EIF2D: variants seen among roughly 807,000 people sequenced by gnomAD.
EIF2D encodes hepatocellular carcinoma-associated antigen 56.
In EIF2D, 56 loss-of-function variants were observed where a neutral mutation model predicts 77.4. The observed-to-expected ratio is 0.72, with a 90% CI of 0.58 to 0.90. The LOEUF is 0.90. Among genes scored for constraint, EIF2D ranks in the 40% least tolerant of loss-of-function variants. The pLI is 0.00. For synonymous variants in EIF2D, 230 were observed against 271.0 expected, an observed-to-expected ratio of 0.85 and a Z score of 1.49; for missense variants, 574 against 706.5, an observed-to-expected ratio of 0.81 and a Z score of 2.13.
Position 206,599,739 on chromosome 1 carries a change from T to G in EIF2D, c.1046A>C (p.His349Pro), listed in dbSNP as rs542336235. 6.2e-7 allele frequency: 1 copy of G among 1,614,050 alleles called. No homozygotes were observed. The highest frequency in any genetic ancestry group is 8.5e-7 in the Non-Finnish European group (1 of 1,180,008). Reference protein sequence around the residue: ...VESIVAVDWKHPRITSFVIPE... With the variant: ...VESIVAVDWKPPRITSFVIPE... ...ACAGGCCCCCTGCACTCACCTCGGG[T>G]GTTTCCAGTCCACAGCCACAATGCT... Residue 349 changes from histidine (H) to proline (P), a missense_variant, in exon 9 of 15, where the codon CAC becomes CCC. Coordinates refer to ENST00000271764, the MANE Select transcript of EIF2D (RefSeq NM_006893.3). This position sits in a 1 kb window ranked among gnomAD's most constrained non-coding sequence, Gnocchi z 4.1.
At chr1:206,610,889 A>G (rs1398540393) in intron 2 of EIF2D, among the ~76,000 whole-genome samples, 1 of 152,036 alleles carries the variant, frequency 6.6e-6, no homozygotes, top group African/African-American at 2.4e-5. Flanking sequence ...CCCACTGTAA[A>G]CTTCTCAGCC....
At chr1:206,583,246 C>T (rs1311120930) in intron 2 of EIF2D, 2 of 1,505,634 alleles carry the variant, frequency 1.3e-6, no homozygotes, top group Non-Finnish European at 1.8e-6. Flanking sequence ...ACACATCCAC[C>T]TCCACTTCTG....
downstream of EIF2D, chr1:206,588,596 G>A (rs1669226774): frequency 1.3e-5 from 2 of 152,366 alleles, no homozygotes; most frequent in African/African-American, 4.8e-5. Flanking sequence ...AGCTTCAGAA[G>A]TTCCCTCTCT....
chr1:206,599,316 G>A lies in EIF2D; in HGVS notation c.1202+147C>T. ...TTTAGTCCAGAGGAACTTGCCCAGG[G>A]AAGAAGGCTGGAAGCTGGATTTTGG... On this transcript the variant is annotated intron_variant, in intron 10 of 14. Coordinates refer to ENST00000271764, the MANE Select transcript of EIF2D (RefSeq NM_006893.3). This position sits in a 1 kb window ranked among gnomAD's most constrained non-coding sequence, Gnocchi z 4.1. 1 of 1,152,742 alleles carries A rather than the reference G, an allele frequency of 8.7e-7. No individual in the cohort carries two copies. Among genetic ancestry groups the A allele is most frequent in the East Asian group, 2.3e-5 (1 of 42,660 alleles). 71.4% of individuals were successfully genotyped at this position (1,152,742 alleles called of 1,614,324 possible). A position where few individuals can be genotyped will look rare whatever the true frequency, so the allele number is the denominator to read the frequency against.
intron 2 of EIF2D, 124 bp from the exon 3 acceptor site, chr1:206,609,583 G>C: frequency 1.3e-6 from 1 of 771,758 alleles, no homozygotes; most frequent in Admixed American, 3.1e-5. Context: ...CAAAGCTAAA[G>C]AGAAGGTTGT....
In EIF2D at chr1:206,584,506, G is replaced by A. The variant is rs781964308; in HGVS notation, c.139-3344C>T. ...ATGATGCCATCAAGGAGGTGAACCT[G>A]GCGGCTACCACGGACAAGCGGACAT... On this transcript the variant is annotated intron_variant and NMD_transcript_variant, in intron 2 of 5. Coordinates refer to the EIF2D transcript ENST00000472709. This position sits in a 1 kb window ranked among gnomAD's most constrained non-coding sequence, Gnocchi z 4.9. 1 of 1,614,156 alleles carries A rather than the reference G, an allele frequency of 6.2e-7. No individual in the cohort carries two copies. The highest frequency in any genetic ancestry group is 2.2e-5 in the East Asian group (1 of 44,876).
At chr1:206,593,891 T>C in intron 13 of EIF2D, 98 bp from the exon 14 acceptor site, 1 of 1,094,748 alleles carries the variant, frequency 9.1e-7, no homozygotes, top group Middle Eastern at 3.2e-4. Flanking sequence ...AGCCCCTGTG[T>C]TCTCTGATGG....
chr1:206,604,278 A>G (rs1012429621), intron 5 of EIF2D, among the ~76,000 whole-genome samples: 4 of 151,926 alleles, frequency 2.6e-5, no homozygotes, highest in Non-Finnish European at 4.4e-5. Context: ...CCCTGTCTCT[A>G]CTAAAAACAA....
intron 4 of EIF2D, among the ~76,000 whole-genome samples, chr1:206,575,782 C>A (rs1668618242): frequency 6.6e-6 from 1 of 152,342 alleles, no homozygotes; most frequent in Admixed American, 6.5e-5. Flanking sequence ...GGAAGTAGCT[C>A]CCCAGACGTC....
At chr1:206,583,883 C>T (rs1553406909) in intron 2 of EIF2D, among the ~76,000 whole-genome samples, 2 of 152,178 alleles carry the variant, frequency 1.3e-5, no homozygotes, top group African/African-American at 2.4e-5. Flanking sequence ...TCAGCTGGCT[C>T]TTTGGGGTTC....
At chr1:206,593,482 AGAGAGC>A (rs1327917680) in intron 14 of EIF2D, 131 bp downstream of exon 14, 10 of 511,678 alleles carry the variant, frequency 2.0e-5, no homozygotes, top group Admixed American at 4.2e-5. Context: ...AGAGAGAGAG[AGAGAGC>A]GAGAGAGAGA....
In EIF2D at chr1:206,611,192, T is replaced by C; in HGVS notation, c.239A>G (p.Tyr80Cys). 1 of 1,612,966 alleles carries C rather than the reference T, an allele frequency of 6.2e-7. No individual in the cohort carries two copies. Among genetic ancestry groups the C allele is most frequent in the Admixed American group, 1.7e-5 (1 of 59,962 alleles). ...PILFELEKNL[Y>C]PTVYTLWSYP... is the part of the protein sequence containing the mutation. ...TCGTCCTGTTGTCATACCTGTTGGA[T>C]ACAGATTTTTCTCCAGTTCAAAGAG... The change falls in exon 2 of 15, where the codon TAT (tyrosine) becomes TGT (cysteine). Residue 80 changes from tyrosine to cysteine, a missense_variant. By Grantham distance (194) the Tyr-to-Cys change is radical (BLOSUM62 -2). Coordinates refer to ENST00000271764, the MANE Select transcript of EIF2D (RefSeq NM_006893.3).
At chr1:206,583,380 G>T in intron 2 of EIF2D, 1 of 1,597,754 alleles carries the variant, frequency 6.3e-7, no homozygotes, top group Non-Finnish European at 8.6e-7. Context: ...CATGAAACTG[G>T]TAAGCGCCCG....
At chr1:206,603,887 G>A (rs545634387) in intron 5 of EIF2D, among the ~76,000 whole-genome samples, 1 of 152,336 alleles carries the variant, frequency 6.6e-6, no homozygotes, top group South Asian at 2.1e-4. Context: ...GCTTCTCAGT[G>A]TTGTTCACAG....
rs1371687526 is a variant in EIF2D at position 206,593,769 on chromosome 1, C to T, written c.1534G>A (p.Ala512Thr). ...KKVTVVRNLEAYGLDPYSVAA... is the reference protein window; with the variant it reads ...KKVTVVRNLETYGLDPYSVAA... ...ACTGAGTATGGGTCCAGACCATAGG[C>T]CTCCAAGTTCCGGACCACGGTCACC... is the stretch of plus-strand genomic sequence containing the variant. Residue 512 changes from alanine (A) to threonine (T), a missense_variant, in exon 14 of 15, where the codon GCC (alanine) becomes ACC (threonine). By Grantham distance (58) the Ala-to-Thr change is moderately conservative. Coordinates refer to ENST00000271764, the MANE Select transcript of EIF2D (RefSeq NM_006893.3). 1 of 1,602,738 alleles carries T rather than the reference C, an allele frequency of 6.2e-7. No homozygotes were observed. Among genetic ancestry groups the T allele is most frequent in the South Asian group, 1.1e-5 (1 of 90,236 alleles).
Position 206,584,467 on chromosome 1 carries a change from G to T in EIF2D, c.139-3305C>A. ...CTGTGACGGTGCCTGCTGGGATCCGGCCCCAGTCCATCTATGATGCCATCA... is the reference window on the plus strand; with the variant it reads ...CTGTGACGGTGCCTGCTGGGATCCGTCCCCAGTCCATCTATGATGCCATCA... On this transcript the variant is annotated intron_variant and NMD_transcript_variant, in intron 2 of 5. Coordinates refer to the EIF2D transcript ENST00000472709. The surrounding 1 kb of genome is among the most constrained non-coding windows in gnomAD (Gnocchi z 4.9). 6.2e-7 allele frequency: 1 copy of T among 1,614,130 alleles called. No individual in the cohort carries two copies.
Position 206,599,244 on chromosome 1 carries a change from A to C in EIF2D, c.1203-152T>G. On this transcript the variant is annotated intron_variant, in intron 10 of 14. Transcript: ENST00000271764. The surrounding 1 kb of genome is among the most constrained non-coding windows in gnomAD (Gnocchi z 4.1). ...TTTCCTGACTGAAGTGAGCATGACCATGTGAAGAATAATTACACGCAGAAA... is the reference window on the plus strand; with the variant it reads ...TTTCCTGACTGAAGTGAGCATGACCCTGTGAAGAATAATTACACGCAGAAA... The C allele has an allele frequency of 1.1e-6, 1 of 877,296 alleles. No homozygotes were observed. The highest frequency in any genetic ancestry group is 2.6e-5 in the Admixed American group (1 of 37,790). 54.3% of individuals were successfully genotyped at this position (877,296 alleles called of 1,614,324 possible). A position where few individuals can be genotyped will look rare whatever the true frequency, so the allele number is the denominator to read the frequency against.
chr1:206,602,158 T>C, intron 7 of EIF2D, 178 bp downstream of exon 7: 1 of 535,070 alleles, frequency 1.9e-6, no homozygotes. Context: ...CCCAGCAAGC[T>C]AAGAATTAAC....
intron 4 of EIF2D, among the ~76,000 whole-genome samples, chr1:206,573,260 C>T (rs557824337): frequency 1.3e-5 from 2 of 152,204 alleles, no homozygotes; most frequent in African/African-American, 2.4e-5. Flanking sequence ...TTTACCTTCA[C>T]ATCAATCCCG....
Sources: allele counts gnomAD v4.1 joint callset (sites outside exome capture counted in the v4.1 genomes callset), GRCh38; gene constraint gnomAD v4.1.1; non-coding constraint Gnocchi (gnomAD v3.1); transcripts MANE v1.5; gene names NCBI Gene and HGNC (gene_info 2026-07-23, HGNC 2026-07-21).